Variants in EPHB1 observed in about 807,000 individuals in gnomAD.
EPHB1 encodes the protein ephrin type-B receptor 1.
Under a neutral mutation model 94.4 loss-of-function variants are expected in EPHB1, and 30 were observed. The observed-to-expected ratio is 0.32, with a 90% CI of 0.24 to 0.43. The LOEUF is 0.43. Ranked by LOEUF, EPHB1 falls within the 20% of genes least tolerant of loss-of-function variation. The pLI is 1.00. For synonymous variants in EPHB1, 522 were observed against 489.1 expected (o/e 1.07, Z -0.89); for missense variants, 1,055 against 1,308.3 (o/e 0.81, Z 2.99).
At chr3:135,053,846 T>G (rs1199360878) in intron 3 of EPHB1, among the ~76,000 whole-genome samples, 1 of 151,964 alleles carries the variant, frequency 6.6e-6, no homozygotes, top group African/African-American at 2.4e-5. Flanking sequence ...TTCAAAAATA[T>G]CTGGGTGTGG....
chr3:135,115,419 G>T (rs569985160), intron 4 of EPHB1, among the ~76,000 whole-genome samples: 1 of 152,110 alleles, frequency 6.6e-6, no homozygotes, highest in Non-Finnish European at 1.5e-5. Flanking sequence ...GTGGCTGTGC[G>T]TCCTCTGTCC....
intron 1 of EPHB1, among the ~76,000 whole-genome samples, chr3:134,912,360 C>A (rs1288826304): frequency 6.6e-6 from 1 of 152,182 alleles, no homozygotes; most frequent in Non-Finnish European, 1.5e-5. Flanking sequence ...ACATGCCAGG[C>A]TCCTAAATTT....
At chr3:134,972,420 CAT>C (rs1490025247) in intron 3 of EPHB1, among the ~76,000 whole-genome samples, 1 of 142,584 alleles carries the variant, frequency 7.0e-6, no homozygotes, top group Non-Finnish European at 1.5e-5. Context: ...TTTTATATAA[CAT>C]ATAAAAGAGG....
At chr3:134,945,765 G>A (rs2039205321) in intron 2 of EPHB1, among the ~76,000 whole-genome samples, 1 of 152,206 alleles carries the variant, frequency 6.6e-6, no homozygotes, top group Non-Finnish European at 1.5e-5. Flanking sequence ...TAGAAGTGGA[G>A]GCTAAGAAGC....
intron 3 of EPHB1, among the ~76,000 whole-genome samples, chr3:134,988,803 T>C (rs1465118964): frequency 6.6e-6 from 1 of 152,220 alleles, no homozygotes; most frequent in African/African-American, 2.4e-5. Flanking sequence ...TGTTCTAGGA[T>C]ATTCAGGTTT....
chr3:134,823,557 G>C (rs1007781860), intron 1 of EPHB1, among the ~76,000 whole-genome samples: 1 of 152,184 alleles, frequency 6.6e-6, no homozygotes, highest in African/African-American at 2.4e-5. Context: ...CAAAGGCTAC[G>C]CACTATCATT....
chr3:134,975,801 A>G (rs1382823061), intron 3 of EPHB1, among the ~76,000 whole-genome samples: 1 of 152,050 alleles, frequency 6.6e-6, no homozygotes, highest in East Asian at 1.9e-4. Context: ...GAGAAAGACA[A>G]CATCTTGCCT....
intron 1 of EPHB1, among the ~76,000 whole-genome samples, chr3:134,888,233 A>T (rs2037897773): frequency 6.6e-6 from 1 of 152,080 alleles, no homozygotes; most frequent in Admixed American, 6.5e-5. Context: ...GGACTTGGGG[A>T]AATGCACATT....
intron 3 of EPHB1, among the ~76,000 whole-genome samples, chr3:134,999,211 A>C (rs1183636081): frequency 6.6e-6 from 1 of 152,220 alleles, no homozygotes; most frequent in Non-Finnish European, 1.5e-5. Context: ...ATTTAAAAAC[A>C]AAAGGGAAAG....
Position 135,044,202 on chromosome 3 carries a change from G to A in EPHB1, c.806-62246G>A, listed in dbSNP as rs1318779381. On this transcript the variant is annotated intron_variant, in intron 3 of 15. Coordinates refer to ENST00000398015, the MANE Select transcript of EPHB1 (RefSeq NM_004441.5). ...TGTATATGTCACAAGCATAGTGGGA[G>A]AATCCTGATGCTTTGTGGGGAGTCT... Among the ~76,000 whole-genome samples, 4 of 152,216 alleles carry A rather than the reference G, an allele frequency of 2.6e-5. No homozygotes were observed. The East Asian group carries it at 7.7e-4, about 29-fold the overall frequency.
At chr3:135,127,017 T>A (rs1349434206) in intron 4 of EPHB1, among the ~76,000 whole-genome samples, 1 of 152,230 alleles carries the variant, frequency 6.6e-6, no homozygotes, top group African/African-American at 2.4e-5. Context: ...TGTTACTCAA[T>A]TTCTCTGTGG....
chr3:135,102,118 G>C (rs969459635), intron 3 of EPHB1, among the ~76,000 whole-genome samples: 1 of 152,186 alleles, frequency 6.6e-6, no homozygotes. Flanking sequence ...GAAATGATAC[G>C]AAAGCAGAGA....
intron 3 of EPHB1, among the ~76,000 whole-genome samples, chr3:135,058,047 G>A (rs1206946281): frequency 6.6e-6 from 1 of 152,212 alleles, no homozygotes; most frequent in Non-Finnish European, 1.5e-5. Flanking sequence ...GAGGCAAGAT[G>A]GGACCAACAG....
chr3:135,129,888 A>C (rs1425306377), intron 4 of EPHB1, among the ~76,000 whole-genome samples: 1 of 152,174 alleles, frequency 6.6e-6, no homozygotes, highest in Non-Finnish European at 1.5e-5. Context: ...TTTAGTGTGC[A>C]CAGGAAATTT....
At chr3:134,823,593 G>A (rs758046894) in intron 1 of EPHB1, among the ~76,000 whole-genome samples, 5 of 152,164 alleles carry the variant, frequency 3.3e-5, no homozygotes, top group Non-Finnish European at 4.4e-5. Context: ...GGAAAACCAA[G>A]GCCCAGCTTG....
chr3:135,024,075 C>T (rs1469212072), intron 3 of EPHB1, among the ~76,000 whole-genome samples: 4 of 152,314 alleles, frequency 2.6e-5, no homozygotes, highest in African/African-American at 9.6e-5. Context: ...CTCTTCCAGA[C>T]ACCACCAACA....
intron 10 of EPHB1, among the ~76,000 whole-genome samples, chr3:135,182,397 C>A (rs1049125375): frequency 6.6e-6 from 1 of 152,186 alleles, no homozygotes; most frequent in Non-Finnish European, 1.5e-5. Context: ...CTCTCTCCCT[C>A]CCTACTTCCT....
intron 3 of EPHB1, among the ~76,000 whole-genome samples, chr3:134,955,471 T>C: frequency 1.0e-5 from 1 of 97,190 alleles, no homozygotes; most frequent in East Asian, 2.2e-4. Flanking sequence ...TATTCCATGG[T>C]GTATATGTGC....
At chr3:135,209,531 C>T (rs950946943) in intron 12 of EPHB1, among the ~76,000 whole-genome samples, 12 of 152,156 alleles carry the variant, frequency 7.9e-5, no homozygotes, top group African/African-American at 2.9e-4. Flanking sequence ...CATCAGACTA[C>T]CTAAAACTGA....
Sources: gnomAD v4.1 joint callset for allele counts (sites outside exome capture counted in the v4.1 genomes callset) on GRCh38, gnomAD v4.1.1 for gene constraint, MANE v1.5 for transcripts, NCBI Gene and HGNC (gene_info 2026-07-23, HGNC 2026-07-21) for gene names.